Variants in MPHOSPH9 observed in about 807,000 individuals in gnomAD.
The protein encoded by MPHOSPH9 is M-phase phosphoprotein 9.
A neutral mutation model predicts 145.5 loss-of-function variants in MPHOSPH9; 88 were observed. The ratio of observed to expected loss-of-function variants is 0.60; its 90% CI spans 0.51 to 0.72. MPHOSPH9 has a LOEUF of 0.72. MPHOSPH9 is among the 30% of genes least tolerant of loss of function. The pLI, the probability that MPHOSPH9 is intolerant of heterozygous loss-of-function variation, is 0.00. For synonymous variants in MPHOSPH9, 435 were observed against 486.2 expected, an observed-to-expected ratio of 0.89 and a Z score of 1.39; for missense variants, 1,238 against 1,386.6, an observed-to-expected ratio of 0.89 and a Z score of 1.70.
chr12:123,230,880 G>C (rs963899675), intron 1 of MPHOSPH9, among the ~76,000 whole-genome samples: 2 of 152,148 alleles, frequency 1.3e-5, no homozygotes, highest in African/African-American at 4.8e-5. Context: ...ATAGACAAAT[G>C]GCTGCCAGGA....
At chr12:123,207,856 GAAAA>G (rs879541250) in intron 8 of MPHOSPH9, among the ~76,000 whole-genome samples, 1 of 43,474 alleles carries the variant, frequency 2.3e-5, no homozygotes, top group African/African-American at 8.9e-5. Context: ...CCGCCTCAAA[GAAAA>G]AAAAAAAAGA....
rs748711981 is a variant in MPHOSPH9 at position 123,223,146 on chromosome 12, T to C, written c.259-19A>G. On this transcript the variant is annotated intron_variant, in intron 3 of 23. Coordinates refer to ENST00000606320, the MANE Select transcript of MPHOSPH9 (RefSeq NM_022782.4). ...ACCTGGTCTATTAAATTATAAAATA[T>C]TTTAGTTAAAAATAATTTTTTGACT... The C allele has an allele frequency of 4.6e-6, 6 of 1,301,790 alleles. No homozygotes were observed. Among genetic ancestry groups the C allele is most frequent in the Admixed American group, 3.5e-5 (1 of 28,200 alleles). The allele number at this position is 1,301,790 out of a possible 1,614,324, so 80.6% of individuals were successfully genotyped here. A position where few individuals can be genotyped will look rare whatever the true frequency, so the allele number is the denominator to read the frequency against.
intron 13 of MPHOSPH9, among the ~76,000 whole-genome samples, chr12:123,193,589 C>T (rs1454155411): frequency 6.6e-6 from 1 of 152,094 alleles, no homozygotes; most frequent in Non-Finnish European, 1.5e-5. Flanking sequence ...TGAGGCCAGC[C>T]TGGGCAACAT....
chr12:123,188,369 A>G (rs993632840), intron 13 of MPHOSPH9, among the ~76,000 whole-genome samples: 4 of 151,896 alleles, frequency 2.6e-5, no homozygotes, highest in South Asian at 4.2e-4. Context: ...AACAAAGCTC[A>G]TATTCTATGT....
chr12:123,184,327 G>A (rs2045337336), intron 13 of MPHOSPH9, among the ~76,000 whole-genome samples: 1 of 151,802 alleles, frequency 6.6e-6, no homozygotes, highest in African/African-American at 2.4e-5. Context: ...TACGAAAACT[G>A]AACAACCCCA....
chr12:123,194,447 G>T lies in MPHOSPH9; in HGVS notation c.2180C>A (p.Ala727Asp). The change falls in exon 13 of 24, where the codon GCT (alanine) becomes GAT (aspartate). Residue 727 changes from alanine to aspartate, a missense_variant. By Grantham distance (126) the Ala-to-Asp change is moderately radical. This residue lies in a region of MPHOSPH9 where 837 missense variants were observed against 897.5 expected (regional missense o/e 0.93). Transcript: ENST00000606320. ...LQDLEEAFEN[A>D]YKLSDDKEAQ... ...TTCTTTATCATCTGAGAGTTTGTAA[G>T]CATTCTCAAATGCTTCTTCTAAATC... The T allele has an allele frequency of 6.2e-7, 1 of 1,609,730 alleles. No individual in the cohort carries two copies. Among genetic ancestry groups the T allele is most frequent in the Non-Finnish European group, 8.5e-7 (1 of 1,178,568 alleles).
chr12:123,200,267 C>T (rs994327065), intron 11 of MPHOSPH9, among the ~76,000 whole-genome samples: 2 of 151,198 alleles, frequency 1.3e-5, no homozygotes, highest in Non-Finnish European at 2.9e-5. Context: ...ATGACTGCCA[C>T]GTATTTTGTT....
chr12:123,191,879 A>C (rs1449329285), intron 13 of MPHOSPH9, among the ~76,000 whole-genome samples: 2 of 152,164 alleles, frequency 1.3e-5, no homozygotes, highest in African/African-American at 4.8e-5. Context: ...AGAATCCATC[A>C]ATCTTCTTTA....
intron 16 of MPHOSPH9, among the ~76,000 whole-genome samples, chr12:123,169,932 ATATT>A (rs2044500582): frequency 6.6e-6 from 1 of 151,818 alleles, no homozygotes; most frequent in South Asian, 2.1e-4. Flanking sequence ...CAATTTTTAT[ATATT>A]TAATTACACA....
chr12:123,212,674 G>A (rs1246130139), intron 7 of MPHOSPH9, among the ~76,000 whole-genome samples: 31 of 117,582 alleles, frequency 2.6e-4, no homozygotes, highest in Non-Finnish European at 3.9e-4. Context: ...TCACACCATC[G>A]CACTCCAGCC....
At chr12:123,165,920 T>C (rs1349120254) in intron 17 of MPHOSPH9, among the ~76,000 whole-genome samples, 1 of 152,194 alleles carries the variant, frequency 6.6e-6, no homozygotes, top group East Asian at 1.9e-4. Flanking sequence ...AGTTGACAAT[T>C]ATACTCCACA....
At chr12:123,234,133 C>G (rs2047788015), upstream of MPHOSPH9, among the ~76,000 whole-genome samples, 1 of 152,086 alleles carries the variant, frequency 6.6e-6, no homozygotes, top group African/African-American at 2.4e-5. Flanking sequence ...CGCTCTCCTC[C>G]CCGTGGGACC....
chr12:123,170,270 G>T (rs1447374577), intron 16 of MPHOSPH9, among the ~76,000 whole-genome samples: 1 of 152,020 alleles, frequency 6.6e-6, no homozygotes, highest in Non-Finnish European at 1.5e-5. Context: ...AGCCCTGTGA[G>T]TAGCTGGGAT....
At chr12:123,178,341 A>T (rs982711335) in intron 15 of MPHOSPH9, among the ~76,000 whole-genome samples, 1 of 152,260 alleles carries the variant, frequency 6.6e-6, no homozygotes, top group African/African-American at 2.4e-5. Context: ...TAAGAAAGCT[A>T]TCACTAGAAC....
chr12:123,227,248 A>ATG (rs1159564264), intron 3 of MPHOSPH9, among the ~76,000 whole-genome samples: 3 of 152,202 alleles, frequency 2.0e-5, no homozygotes, highest in Non-Finnish European at 4.4e-5. Context: ...ACAAATTAGT[A>ATG]TGTCTAATCA....
chr12:123,210,291 T>G, intron 7 of MPHOSPH9, 129 bp from the exon 8 acceptor site: 1 of 508,910 alleles, frequency 2.0e-6, no homozygotes, highest in South Asian at 3.8e-5. Flanking sequence ...TAATTTGAAT[T>G]TTGATGGAAA....
At chr12:123,153,352 A>C (rs2043809274), downstream of MPHOSPH9, 1 of 152,226 alleles carries the variant, frequency 6.6e-6, no homozygotes, top group African/African-American at 2.4e-5. Flanking sequence ...TTAAACTCCA[A>C]AAAAGCTCAT....
At chr12:123,241,444 TCTC>T (rs1470335764) in intron 1 of MPHOSPH9, among the ~76,000 whole-genome samples, 2 of 152,108 alleles carry the variant, frequency 1.3e-5, no homozygotes, top group African/African-American at 4.8e-5. Context: ...TTCAAGCAAT[TCTC>T]CTGCCTCAGT....
chr12:123,195,517 C>T lies in MPHOSPH9; in HGVS notation c.2026-916G>A, dbSNP rs959615286. Among the ~76,000 whole-genome samples the T allele has an allele frequency of 9.3e-5, 14 of 151,030 alleles. No individual in the cohort carries two copies. In the South Asian group the frequency reaches 2.3e-3, roughly 25 times the overall value. Reference sequence around the variant, plus strand: ...AGGAGAATCACTTGAACCCAGGAGGCGGAGGTGGCAACGAGCCGAGATCAT... The same window carrying T: ...AGGAGAATCACTTGAACCCAGGAGGTGGAGGTGGCAACGAGCCGAGATCAT... On this transcript the variant is annotated intron_variant, in intron 12 of 23. Coordinates refer to ENST00000606320, the MANE Select transcript of MPHOSPH9 (RefSeq NM_022782.4).
Sources: allele counts gnomAD v4.1 joint callset (sites outside exome capture counted in the v4.1 genomes callset), GRCh38; gene constraint gnomAD v4.1.1; regional missense constraint gnomAD v4.1.1; transcripts MANE v1.5; gene names NCBI Gene and HGNC (gene_info 2026-07-23, HGNC 2026-07-21).